The following CFAP299 variants were observed in gnomAD, a reference collection of about 807,000 sequenced individuals.
The protein encoded by CFAP299 is cilia and flagella associated protein 299, also known as cilia- and flagella-associated protein 299.
CFAP299 carries 21 observed loss-of-function variants against 27.0 expected under a neutral mutation model. The ratio of observed to expected loss-of-function variants is 0.78; its 90% CI spans 0.55 to 1.12. CFAP299 has a LOEUF of 1.12. CFAP299 is among the 50% of genes most tolerant of loss of function. The probability of loss-of-function intolerance (pLI) is 0.00; values close to 1 mark genes in which losing one functional copy is unlikely to be tolerated. For synonymous variants in CFAP299, 104 were observed against 98.1 expected (o/e 1.06, Z -0.36); for missense variants, 310 against 276.6 (o/e 1.12, Z -0.86).
chr4:80,431,641 T>G (rs1422921177), intron 2 of CFAP299, among the ~76,000 whole-genome samples: 9 of 152,128 alleles, frequency 5.9e-5, no homozygotes, highest in Non-Finnish European at 1.3e-4. Flanking sequence ...TCTGTTTGGA[T>G]TGGCAGCCGC....
At chr4:80,835,948 C>T (rs953658681) in intron 3 of CFAP299, among the ~76,000 whole-genome samples, 4 of 152,182 alleles carry the variant, frequency 2.6e-5, no homozygotes, top group Admixed American at 6.5e-5. Flanking sequence ...GAGATGAGTG[C>T]AAAGTCCTTT....
chr4:80,634,472 T>C (rs1207210276), intron 3 of CFAP299, among the ~76,000 whole-genome samples: 1 of 32,668 alleles, frequency 3.1e-5, no homozygotes, highest in Non-Finnish European at 5.7e-5. Context: ...TCATATGTCA[T>C]TTCATTATAT....
intron 3 of CFAP299, among the ~76,000 whole-genome samples, chr4:80,868,905 C>CTCTCTGTGTGTG (rs1435285713): frequency 5.5e-4 from 76 of 137,680 alleles, no homozygotes; most frequent in African/African-American, 2.1e-3. Context: ...GCTTCTCTCT[C>CTCTCTGTGTGTG]TGTGTGTGTG....
intron 3 of CFAP299, among the ~76,000 whole-genome samples, chr4:80,774,446 T>TA (rs572492507): frequency 1.3e-5 from 2 of 151,936 alleles, no homozygotes; most frequent in African/African-American, 2.4e-5. Flanking sequence ...TCTGCTACTA[T>TA]AAAAAATGCA....
At chr4:80,911,087 C>G (rs1735447612) in intron 4 of CFAP299, among the ~76,000 whole-genome samples, 1 of 151,978 alleles carries the variant, frequency 6.6e-6, no homozygotes, top group South Asian at 2.1e-4. Context: ...TTAATGTATG[C>G]AGAGCCTTTG....
At chr4:80,759,615 A>C (rs1195235418) in intron 3 of CFAP299, among the ~76,000 whole-genome samples, 1 of 152,226 alleles carries the variant, frequency 6.6e-6, no homozygotes, top group African/African-American at 2.4e-5. Context: ...ACTATTGTAT[A>C]TCCATGGCAA....
intron 4 of CFAP299, among the ~76,000 whole-genome samples, chr4:80,889,360 A>G (rs971107460): frequency 2.6e-5 from 4 of 152,060 alleles, no homozygotes; most frequent in African/African-American, 9.7e-5. Flanking sequence ...ATATATGCCT[A>G]TACATTGAAA....
chr4:80,385,274 A>C (rs186646225), intron 2 of CFAP299, among the ~76,000 whole-genome samples: 1 of 152,044 alleles, frequency 6.6e-6, no homozygotes, highest in Non-Finnish European at 1.5e-5. Flanking sequence ...AACCATTTTC[A>C]TCTCCATTTC....
chr4:80,512,498 G>A (rs1227469184), intron 2 of CFAP299, among the ~76,000 whole-genome samples: 1 of 152,150 alleles, frequency 6.6e-6, no homozygotes, highest in Admixed American at 6.6e-5. Context: ...AACTGAAGAT[G>A]TGGTCATCAG....
intron 2 of CFAP299, among the ~76,000 whole-genome samples, chr4:80,374,767 G>A (rs537871027): frequency 6.6e-6 from 1 of 152,186 alleles, no homozygotes; most frequent in South Asian, 2.1e-4. Flanking sequence ...TTATAAGCTA[G>A]CTAATAGACT....
chr4:80,406,021 A>T (rs1726398652), intron 2 of CFAP299, among the ~76,000 whole-genome samples: 1 of 152,162 alleles, frequency 6.6e-6, no homozygotes, highest in South Asian at 2.1e-4. Context: ...ACTCCTCAGG[A>T]TAGATCATGT....
At chr4:80,494,639 T>C (rs1731343127) in intron 2 of CFAP299, among the ~76,000 whole-genome samples, 1 of 152,208 alleles carries the variant, frequency 6.6e-6, no homozygotes, top group Non-Finnish European at 1.5e-5. Context: ...TATGATTTCT[T>C]TTCCCTCTAC....
At chr4:80,510,728 C>T (rs1732255721) in intron 2 of CFAP299, among the ~76,000 whole-genome samples, 1 of 152,136 alleles carries the variant, frequency 6.6e-6, no homozygotes, top group Non-Finnish European at 1.5e-5. Context: ...ATTCAAGAAT[C>T]TGTAAATATG....
chr4:80,534,314 T>TG (rs1049911285), intron 2 of CFAP299, among the ~76,000 whole-genome samples: 1 of 143,056 alleles, frequency 7.0e-6, no homozygotes, highest in African/African-American at 2.7e-5. Flanking sequence ...ACTCACTCTG[T>TG]GGAAAAAAAA....
At chr4:80,511,831 C>G (rs1732319520) in intron 2 of CFAP299, among the ~76,000 whole-genome samples, 1 of 151,896 alleles carries the variant, frequency 6.6e-6, no homozygotes, top group African/African-American at 2.4e-5. Flanking sequence ...AATAACAGGC[C>G]CTCTTCTCTT....
intron 3 of CFAP299, among the ~76,000 whole-genome samples, chr4:80,701,890 C>G (rs952137978): frequency 6.6e-6 from 1 of 151,862 alleles, no homozygotes; most frequent in Non-Finnish European, 1.5e-5. Context: ...AAATAAAACC[C>G]AAATCATGTG....
At chr4:80,420,208 T>C (rs751875611) in intron 2 of CFAP299, 2 of 456,066 alleles carry the variant, frequency 4.4e-6, no homozygotes, top group South Asian at 3.1e-5. Flanking sequence ...TTTCGGACTT[T>C]TACAGGTGTC....
intron 3 of CFAP299, among the ~76,000 whole-genome samples, chr4:80,687,897 G>A (rs910054359): frequency 8.5e-5 from 13 of 152,188 alleles, no homozygotes; most frequent in African/African-American, 3.1e-4. Flanking sequence ...GGGTCAGGGA[G>A]TTCCCTTTCA....
chr4:80,533,555 T>C (rs1733574350), intron 2 of CFAP299, among the ~76,000 whole-genome samples: 1 of 152,206 alleles, frequency 6.6e-6, no homozygotes, highest in Non-Finnish European at 1.5e-5. Context: ...AGCTATTTGG[T>C]TTCCTGCCTC....
Sources: allele counts gnomAD v4.1 joint callset (sites outside exome capture counted in the v4.1 genomes callset), GRCh38; gene constraint gnomAD v4.1.1; transcripts MANE v1.5; gene names NCBI Gene and HGNC (gene_info 2026-07-23, HGNC 2026-07-21).